Variants in FOXP2 observed in about 807,000 individuals in gnomAD.
FOXP2 encodes the protein forkhead box protein P2.
Under a neutral mutation model 115.8 loss-of-function variants are expected in FOXP2, and 12 were observed. The ratio of observed to expected loss-of-function variants is 0.10; its 90% CI spans 0.07 to 0.17. FOXP2 has a LOEUF of 0.17. FOXP2 is among the 10% of genes least tolerant of loss of function. The pLI is 1.00. For synonymous variants in FOXP2, 328 were observed against 297.7 expected (o/e 1.10, Z -1.05); for missense variants, 629 against 843.5 (o/e 0.75, Z 3.15).
At position 114,482,072 on chromosome 7, in the gene FOXP2, C is replaced by A. The variant is rs1356813740; in HGVS notation, c.169-52545C>A. On this transcript the variant is annotated intron_variant, in intron 2 of 16. Transcript: ENST00000350908. ...CAGGGTCCCAGAACTACATGCAGTACTCTAGAAATTAAATCCTATTAGTAC... is the reference window on the plus strand; with the variant it reads ...CAGGGTCCCAGAACTACATGCAGTAATCTAGAAATTAAATCCTATTAGTAC... Among the ~76,000 whole-genome samples, 5 of 151,336 alleles carry A rather than the reference C, an allele frequency of 3.3e-5. No individual in the cohort carries two copies. In the East Asian group the frequency reaches 9.6e-4, roughly 29 times the overall value.
At chr7:114,666,162 C>T (rs929632720) in intron 16 of FOXP2, 1 of 151,606 alleles carries the variant, frequency 6.6e-6, no homozygotes, top group Non-Finnish European at 1.5e-5. Flanking sequence ...ACATTTTATG[C>T]TTATATGAAT....
intron 3 of FOXP2, among the ~76,000 whole-genome samples, chr7:114,550,644 C>T (rs925640514): frequency 3.3e-5 from 5 of 152,184 alleles, no homozygotes; most frequent in African/African-American, 1.2e-4. Flanking sequence ...GACTCTGATA[C>T]ACTCTAGTGA....
At chr7:114,478,365 C>T (rs759564471) in intron 2 of FOXP2, among the ~76,000 whole-genome samples, 16 of 151,708 alleles carry the variant, frequency 1.1e-4, no homozygotes, top group Middle Eastern at 3.4e-3. Context: ...TATGGCCTAA[C>T]TTATGAGTAT....
At chr7:114,341,422 G>A (rs1791215294) in intron 2 of FOXP2, among the ~76,000 whole-genome samples, 1 of 151,170 alleles carries the variant, frequency 6.6e-6, no homozygotes, top group Non-Finnish European at 1.5e-5. Flanking sequence ...AATGGAGATA[G>A]ATAAATAGAC....
intron 2 of FOXP2, among the ~76,000 whole-genome samples, chr7:114,458,839 C>T (rs962326144): frequency 6.6e-6 from 1 of 152,140 alleles, no homozygotes; most frequent in Non-Finnish European, 1.5e-5. Context: ...TCCTAAAAAA[C>T]CATACTAAAC....
At chr7:114,244,819 T>C (rs1307414429) in intron 1 of FOXP2, among the ~76,000 whole-genome samples, 2 of 152,156 alleles carry the variant, frequency 1.3e-5, no homozygotes, top group East Asian at 3.9e-4. Context: ...GGGAGTGCAG[T>C]GGCGCAATCT....
intron 1 of FOXP2, among the ~76,000 whole-genome samples, chr7:114,128,229 G>T (rs958142029): frequency 1.3e-5 from 2 of 152,020 alleles, no homozygotes; most frequent in African/African-American, 2.4e-5. Context: ...GTTTTAATGT[G>T]CAAACAAACC....
At chr7:114,367,813 T>G (rs1485192909) in intron 2 of FOXP2, among the ~76,000 whole-genome samples, 1 of 152,140 alleles carries the variant, frequency 6.6e-6, no homozygotes, top group African/African-American at 2.4e-5. Context: ...AAGATAAGAG[T>G]ATATCTGTAA....
chr7:114,640,459 C>A (rs917428348), intron 6 of FOXP2, among the ~76,000 whole-genome samples: 1 of 152,104 alleles, frequency 6.6e-6, no homozygotes, highest in Non-Finnish European at 1.5e-5. Context: ...TTGTGATAGG[C>A]ATAGCTATTT....
intron 1 of FOXP2, among the ~76,000 whole-genome samples, chr7:114,187,357 G>A (rs1793634491): frequency 6.6e-6 from 1 of 152,102 alleles, no homozygotes; most frequent in Non-Finnish European, 1.5e-5. Flanking sequence ...TTGCTTTTAA[G>A]TTCTGCCCTC....
intron 1 of FOXP2, among the ~76,000 whole-genome samples, chr7:114,232,868 C>T (rs896040229): frequency 3.3e-5 from 5 of 151,162 alleles, no homozygotes; most frequent in Non-Finnish European, 5.9e-5. Context: ...TATGCTATAA[C>T]GTGAATGAAA....
chr7:114,498,743 T>C (rs1451055661), intron 2 of FOXP2: 3 of 650,890 alleles, frequency 4.6e-6, no homozygotes, highest in Non-Finnish European at 8.4e-6. Flanking sequence ...AATTATAAGC[T>C]ATTCAGCAGC....
intron 2 of FOXP2, among the ~76,000 whole-genome samples, chr7:114,526,956 CTA>C (rs1798907080): frequency 6.7e-6 from 1 of 150,036 alleles, no homozygotes; most frequent in Non-Finnish European, 1.5e-5. Context: ...ACTTTCCATT[CTA>C]TCTTACGTCT....
rs1406086 is a variant in FOXP2, at chr7:114,247,461, A to G, written c.-101-40558A>G. On this transcript the variant is annotated intron_variant, in intron 1 of 17. Transcript: ENST00000634411. Reference sequence around the variant, plus strand: ...CACACTCAGTTAGTGACAAAATCCTATTTACTTCCTTTAGAATTTTTATAT... The same window carrying G: ...CACACTCAGTTAGTGACAAAATCCTGTTTACTTCCTTTAGAATTTTTATAT... Among the ~76,000 whole-genome samples the G allele has an allele frequency of 5.3e-3, 809 of 152,132 alleles. 11 individuals are homozygous for G. The highest frequency in any genetic ancestry group is 0.018 in the African/African-American group (765 of 41,508).
intron 2 of FOXP2, among the ~76,000 whole-genome samples, chr7:114,299,125 A>AT (rs11449664): frequency 0.021 from 3,152 of 152,204 alleles, 68 homozygotes; most frequent in African/African-American, 0.047. Context: ...CTAAAACTTA[A>AT]TTTGCAATCT....
chr7:114,648,339 T>C (rs75172392), intron 8 of FOXP2, among the ~76,000 whole-genome samples: 204 of 152,202 alleles, frequency 1.3e-3, no homozygotes, highest in African/African-American at 4.8e-3. Flanking sequence ...ACATTTTGTA[T>C]TTAAACTCCT....
chr7:114,173,195 C>G (rs776931), intron 1 of FOXP2, among the ~76,000 whole-genome samples: 3,979 of 151,938 alleles, frequency 0.026, 182 homozygotes, highest in African/African-American at 0.088. Flanking sequence ...AATATTTAAT[C>G]TAAGTGGGAC....
chr7:114,300,869 T>A (rs1177313829), intron 2 of FOXP2, among the ~76,000 whole-genome samples: 3 of 152,042 alleles, frequency 2.0e-5, no homozygotes, highest in Non-Finnish European at 4.4e-5. Context: ...CTTTTCATTG[T>A]GAGAGATAAT....
At chr7:114,358,954 C>G (rs1004714716) in intron 2 of FOXP2, among the ~76,000 whole-genome samples, 1 of 152,078 alleles carries the variant, frequency 6.6e-6, no homozygotes, top group Admixed American at 6.6e-5. Context: ...AAGCAGGCTG[C>G]AAAAATTTCT....
Sources: gnomAD v4.1 joint callset for allele counts (sites outside exome capture counted in the v4.1 genomes callset) on GRCh38, gnomAD v4.1.1 for gene constraint, MANE v1.5 for transcripts, NCBI Gene and HGNC (gene_info 2026-07-23, HGNC 2026-07-21) for gene names.